Variants in ACACB observed in about 807,000 individuals in gnomAD.
ACACB encodes acetyl-CoA carboxylase 2.
In ACACB, 209 loss-of-function variants were observed where a neutral mutation model predicts 278.8. That is an observed-to-expected ratio of 0.75 (90% CI 0.67 to 0.84). The LOEUF is 0.84. Ranked by LOEUF, ACACB falls within the 40% of genes least tolerant of loss-of-function variation. The pLI is 0.00. For synonymous variants in ACACB, 1,174 were observed against 1,285.6 expected, an observed-to-expected ratio of 0.91 and a Z score of 1.86; for missense variants, 2,850 against 3,269.0, an observed-to-expected ratio of 0.87 and a Z score of 3.13.
At chr12:109,238,882 G>A (rs1025154562) in intron 34 of ACACB, among the ~76,000 whole-genome samples, 1 of 148,752 alleles carries the variant, frequency 6.7e-6, no homozygotes, top group Non-Finnish European at 1.5e-5. Context: ...TGGATATTAA[G>A]CTAACTGCAG....
chr12:109,237,438 T>C lies in ACACB; in HGVS notation c.4662+58T>C, dbSNP rs577810996. ...AGAACCTGGCCCTCCCTTCCTTACATTCCTGCTCTGTGCTGGGTCCTGGGC... is the reference window on the plus strand; with the variant it reads ...AGAACCTGGCCCTCCCTTCCTTACACTCCTGCTCTGTGCTGGGTCCTGGGC... On this transcript the variant is annotated intron_variant, in intron 34 of 52. Transcript: ENST00000338432. 3 of 1,521,630 alleles carry C rather than the reference T, an allele frequency of 2.0e-6. No homozygotes were observed. In the South Asian group the frequency reaches 3.6e-5, roughly 18 times the overall value. The allele number at this position is 1,521,630 out of a possible 1,614,324, so 94.3% of individuals were successfully genotyped here. A position where few individuals can be genotyped will look rare whatever the true frequency, so the allele number is the denominator to read the frequency against.
intron 1 of ACACB, among the ~76,000 whole-genome samples, chr12:109,136,623 A>T (rs1450852997): frequency 6.6e-6 from 1 of 152,142 alleles, no homozygotes; most frequent in Non-Finnish European, 1.5e-5. Context: ...TTGTTTTCTT[A>T]ATTTCTTTTT....
chr12:109,251,235 C>T (rs1220075507), intron 41 of ACACB, among the ~76,000 whole-genome samples: 1 of 152,162 alleles, frequency 6.6e-6, no homozygotes, highest in East Asian at 1.9e-4. Context: ...TTGCCTTTCC[C>T]TGGAGCCAGC....
intron 2 of ACACB, among the ~76,000 whole-genome samples, chr12:109,158,749 A>G (rs1008201310): frequency 1.3e-5 from 2 of 152,210 alleles, no homozygotes; most frequent in Non-Finnish European, 2.9e-5. Flanking sequence ...CAAGGTGGGC[A>G]GATCGCCCTG....
intron 2 of ACACB, among the ~76,000 whole-genome samples, chr12:109,156,604 T>TTG (rs1491426028): frequency 6.3e-5 from 4 of 63,174 alleles, no homozygotes; most frequent in Non-Finnish European, 1.2e-4. Flanking sequence ...TTTTTTTTTT[T>TTG]GGGGGGGGGC....
chr12:109,246,221 T>C lies in ACACB; in HGVS notation c.5344T>C (p.Tyr1782His). ...AFKMRFKTQE[Y>H]PEGRDVIVIG... is the part of the protein sequence containing the mutation. ...CAAAATGAGGTTTAAGACCCAGGAG[T>C]ACCCGGAAGGACGGGATGTGATCGT... Residue 1782 changes from tyrosine to histidine, a missense_variant, in exon 39 of 53, where the codon TAC becomes CAC. Coordinates refer to ENST00000338432, the MANE Select transcript of ACACB (RefSeq NM_001093.4). 1 of 1,613,104 alleles carries C rather than the reference T, an allele frequency of 6.2e-7. No individual in the cohort carries two copies. Among genetic ancestry groups the C allele is most frequent in the East Asian group, 2.2e-5 (1 of 44,830 alleles).
chr12:109,166,391 T>C (rs1276675587), intron 2 of ACACB, among the ~76,000 whole-genome samples: 1 of 152,030 alleles, frequency 6.6e-6, no homozygotes, highest in Non-Finnish European at 1.5e-5. Flanking sequence ...TTAGCTGGCC[T>C]CTTAAGGTGC....
chr12:109,129,739 T>C (rs2042775927), intron 1 of ACACB, among the ~76,000 whole-genome samples: 1 of 152,210 alleles, frequency 6.6e-6, no homozygotes, highest in South Asian at 2.1e-4. Context: ...GCTGCAGGCC[T>C]GGGAAGCTGT....
At chr12:109,252,880 G>T in intron 42 of ACACB, 135 bp from the exon 43 acceptor site, 1 of 822,798 alleles carries the variant, frequency 1.2e-6, no homozygotes, top group South Asian at 3.8e-5. Context: ...GATGTAGCCT[G>T]AGCATCAGGA....
intron 24 of ACACB, among the ~76,000 whole-genome samples, chr12:109,222,294 C>CGAGTGAGTGAGTGAGTGAGTGAGTGAGT (rs112567037): frequency 0.01 from 1,537 of 150,962 alleles, 17 homozygotes; most frequent in Non-Finnish European, 0.017. Context: ...AATGGGTGGC[C>CGAGTGAGTGAGTGAGTGAGTGAGTGAGT]GAGTGAGTGA....
chr12:109,258,701 G>A (rs901305798), intron 46 of ACACB, among the ~76,000 whole-genome samples: 1 of 152,234 alleles, frequency 6.6e-6, no homozygotes, highest in African/African-American at 2.4e-5. Context: ...TCCAGGGCCG[G>A]CTTTACCCCA....
intron 34 of ACACB, among the ~76,000 whole-genome samples, chr12:109,238,496 CATAAT>C (rs1008894606): frequency 1.4e-5 from 2 of 139,842 alleles, no homozygotes; most frequent in African/African-American, 5.3e-5. Context: ...ATTATATATA[CATAAT>C]ATAATACATA....
At chr12:109,243,235 C>A (rs551408200) in intron 37 of ACACB, among the ~76,000 whole-genome samples, 2 of 152,150 alleles carry the variant, frequency 1.3e-5, no homozygotes, top group African/African-American at 4.8e-5. Context: ...AGGCACCATT[C>A]GAAGTCTAGA....
chr12:109,249,134 G>C (rs1478493550), intron 40 of ACACB: 1 of 152,216 alleles, frequency 6.6e-6, no homozygotes, highest in Admixed American at 6.5e-5. Context: ...ACCGTCTGTG[G>C]CGTGTACCTT....
At position 109,260,526 on chromosome 12, in the gene ACACB, C is replaced by T; in HGVS notation, c.6543C>T (p.Gly2181=). The T allele has an allele frequency of 6.2e-7, 1 of 1,614,206 alleles. No individual in the cohort carries two copies. Among genetic ancestry groups the T allele is most frequent in the South Asian group, 1.1e-5 (1 of 91,086 alleles). ...VLKFGAYIVD[G]LRQYKQPILI... ...AGTTTGGAGCCTACATCGTGGACGG[C>T]CTTAGACAATACAAACAGCCCATCC... is the stretch of plus-strand genomic sequence containing the variant. Residue 2181 remains glycine, a synonymous_variant, in exon 48 of 53, where the codon GGC becomes GGT. Transcript: ENST00000338432.
chr12:109,115,397 A>T (rs2042383882), upstream of ACACB, among the ~76,000 whole-genome samples: 1 of 152,144 alleles, frequency 6.6e-6, no homozygotes, highest in Non-Finnish European at 1.5e-5. Context: ...AAGCCTAAGA[A>T]TTTTTTTCAA....
At chr12:109,206,463 C>T (rs1229141920) in intron 19 of ACACB, among the ~76,000 whole-genome samples, 1 of 149,340 alleles carries the variant, frequency 6.7e-6, no homozygotes, top group Non-Finnish European at 1.5e-5. Flanking sequence ...ACCGCCACCC[C>T]ACAAAACTGT....
intron 20 of ACACB, among the ~76,000 whole-genome samples, chr12:109,207,353 G>A (rs934149530): frequency 6.6e-6 from 1 of 152,194 alleles, no homozygotes; most frequent in Non-Finnish European, 1.5e-5. Context: ...AACTGGGCTT[G>A]TAGCAGTTCA....
chr12:109,133,304 C>A (rs1291655914), intron 1 of ACACB, among the ~76,000 whole-genome samples: 1 of 152,022 alleles, frequency 6.6e-6, no homozygotes, highest in African/African-American at 2.4e-5. Flanking sequence ...GATCTTGGCT[C>A]ACTGCAACCT....
Sources: allele counts gnomAD v4.1 joint callset (sites outside exome capture counted in the v4.1 genomes callset), GRCh38; gene constraint gnomAD v4.1.1; transcripts MANE v1.5; gene names NCBI Gene and HGNC (gene_info 2026-07-23, HGNC 2026-07-21).